The following DLGAP2 variants were observed in gnomAD, a reference collection of about 807,000 sequenced individuals.
DLGAP2 encodes disks large-associated protein 2.
Under a neutral mutation model 100.3 loss-of-function variants are expected in DLGAP2, and 26 were observed. That is an observed-to-expected ratio of 0.26 (90% confidence interval 0.19 to 0.36). The LOEUF is 0.36. Ranked by LOEUF, DLGAP2 falls within the 10% of genes least tolerant of loss-of-function variation. The pLI is 1.00. For synonymous variants in DLGAP2, 886 were observed against 630.1 expected (o/e 1.41, Z -6.08); for missense variants, 1,858 against 1,453.2 (o/e 1.28, Z -4.53).
intron 1 of DLGAP2, among the ~76,000 whole-genome samples, chr8:861,621 G>C (rs1797393469): frequency 6.6e-6 from 1 of 152,306 alleles, no homozygotes; most frequent in South Asian, 2.1e-4. Context: ...TACCTTTAAT[G>C]TGAAATCAAA....
At chr8:1,081,253 G>T (rs759626367) in intron 2 of DLGAP2, among the ~76,000 whole-genome samples, 2 of 152,148 alleles carry the variant, frequency 1.3e-5, no homozygotes, top group Admixed American at 1.3e-4. Flanking sequence ...CTACTTACAG[G>T]TTCCTGCACT....
chr8:961,232 T>G (rs868686887), intron 2 of DLGAP2, among the ~76,000 whole-genome samples: 8 of 152,254 alleles, frequency 5.3e-5, no homozygotes, highest in Non-Finnish European at 1.0e-4. Flanking sequence ...ACTTCTATCA[T>G]GTGGCTTTGT....
intron 4 of DLGAP2, among the ~76,000 whole-genome samples, chr8:1,515,226 A>C (rs944876953): frequency 6.6e-6 from 1 of 152,188 alleles, no homozygotes; most frequent in Admixed American, 6.5e-5. Flanking sequence ...CCCACCCTGC[A>C]CTTGAGTTTC....
chr8:961,387 C>T (rs1045832667), intron 2 of DLGAP2, among the ~76,000 whole-genome samples: 4 of 151,978 alleles, frequency 2.6e-5, no homozygotes, highest in Non-Finnish European at 5.9e-5. Flanking sequence ...GCATATTTCA[C>T]CTGTAACAGA....
chr8:1,605,697 G>T (rs1048735825), intron 6 of DLGAP2, among the ~76,000 whole-genome samples: 7 of 152,320 alleles, frequency 4.6e-5, no homozygotes, highest in African/African-American at 1.4e-4. Context: ...AGAGAATGCA[G>T]CGTTTGCTAA....
chr8:1,267,583 TA>T (rs1345507931), intron 3 of DLGAP2, among the ~76,000 whole-genome samples: 38 of 44,456 alleles, frequency 8.5e-4, no homozygotes, highest in African/African-American at 3.3e-3. Context: ...TAAAATAAAA[TA>T]AAATAAGATA....
At chr8:1,044,508 A>G (rs928692852) in intron 2 of DLGAP2, among the ~76,000 whole-genome samples, 4 of 152,218 alleles carry the variant, frequency 2.6e-5, no homozygotes, top group African/African-American at 9.6e-5. Context: ...AATCTGTGCC[A>G]TAGGACATTT....
chr8:1,490,880 G>C (rs957675416), intron 3 of DLGAP2, among the ~76,000 whole-genome samples: 15 of 151,354 alleles, frequency 9.9e-5, no homozygotes, highest in Non-Finnish European at 2.2e-4. Context: ...GTTGTGGGGT[G>C]GGGGGACGGG....
intron 2 of DLGAP2, among the ~76,000 whole-genome samples, chr8:1,051,284 A>G (rs1437215696): frequency 6.6e-6 from 1 of 151,956 alleles, no homozygotes; most frequent in African/African-American, 2.4e-5. Flanking sequence ...TGGATGGAGC[A>G]TTTTTCAGCA....
At chr8:1,181,337 C>T (rs1028956302) in intron 2 of DLGAP2, among the ~76,000 whole-genome samples, 2 of 152,210 alleles carry the variant, frequency 1.3e-5, no homozygotes, top group Non-Finnish European at 2.9e-5. Context: ...CTTGAGTGCA[C>T]TGTTTGATCT....
intron 2 of DLGAP2, among the ~76,000 whole-genome samples, chr8:1,183,362 A>G (rs1248138502): frequency 7.2e-5 from 11 of 152,196 alleles, no homozygotes; most frequent in African/African-American, 2.7e-4. Context: ...TTACTTTTAG[A>G]TTATAGATGT....
intron 2 of DLGAP2, among the ~76,000 whole-genome samples, chr8:948,029 A>T (rs998918355): frequency 2.1e-5 from 3 of 139,958 alleles, no homozygotes; most frequent in African/African-American, 8.2e-5. Flanking sequence ...ACCCCGTGCC[A>T]GCCCGCGTGC....
At chr8:1,216,864 A>G (rs1798223675) in intron 2 of DLGAP2, among the ~76,000 whole-genome samples, 1 of 152,166 alleles carries the variant, frequency 6.6e-6, no homozygotes, top group South Asian at 2.1e-4. Context: ...AAAGTAATTT[A>G]CAAATCAAGG....
chr8:1,036,190 G>A (rs1379281694), intron 2 of DLGAP2, among the ~76,000 whole-genome samples: 7 of 150,336 alleles, frequency 4.7e-5, no homozygotes, highest in Admixed American at 1.3e-4. Context: ...GCGTGTCACC[G>A]CGAGTGGGTT....
intron 2 of DLGAP2, among the ~76,000 whole-genome samples, chr8:1,251,649 G>A (rs1799042465): frequency 6.6e-6 from 1 of 152,122 alleles, no homozygotes; most frequent in Non-Finnish European, 1.5e-5. Context: ...TGGAGTTTTT[G>A]GCCTCTGTGT....
intron 2 of DLGAP2, among the ~76,000 whole-genome samples, chr8:973,004 C>T (rs1162208815): frequency 1.3e-5 from 2 of 152,248 alleles, no homozygotes; most frequent in Non-Finnish European, 2.9e-5. Flanking sequence ...ATGGAGTCCC[C>T]TATGTCTACT....
intron 12 of DLGAP2, among the ~76,000 whole-genome samples, chr8:1,686,183 G>A (rs1191004079): frequency 6.6e-6 from 1 of 152,172 alleles, no homozygotes; most frequent in Admixed American, 6.5e-5. Flanking sequence ...GTTCCCATCA[G>A]TAGAAAAATG....
chr8:1,165,125 A>G (rs909352127), intron 2 of DLGAP2, among the ~76,000 whole-genome samples: 1 of 141,590 alleles, frequency 7.1e-6, no homozygotes, highest in African/African-American at 2.5e-5. Context: ...CTGCTGCCAG[A>G]TAGAGAGAGA....
intron 1 of DLGAP2, among the ~76,000 whole-genome samples, chr8:750,151 G>A (rs916106513): frequency 2.6e-5 from 4 of 152,222 alleles, no homozygotes; most frequent in African/African-American, 7.2e-5. Flanking sequence ...CCCTAGGGCC[G>A]GTTAGGCCGG....
Sources: gnomAD v4.1 joint callset for allele counts (sites outside exome capture counted in the v4.1 genomes callset) on GRCh38, gnomAD v4.1.1 for gene constraint, MANE v1.5 for transcripts, NCBI Gene and HGNC (gene_info 2026-07-23, HGNC 2026-07-21) for gene names.